Variants in IKBKE observed in about 807,000 individuals in gnomAD.
IKBKE encodes the protein inhibitor of nuclear factor kappa-B kinase subunit epsilon.
In IKBKE, 45 loss-of-function variants were observed where a neutral mutation model predicts 92.1. The ratio of observed to expected loss-of-function variants is 0.49; its 90% CI spans 0.38 to 0.63. The LOEUF (loss-of-function observed/expected upper bound fraction) is 0.63, where lower values mean the gene tolerates loss of function less well. Among genes scored for constraint, IKBKE ranks in the 20% least tolerant of loss-of-function variants. The pLI is 0.00. For missense variants in IKBKE, 700 were observed against 932.8 expected (o/e 0.75, Z 3.25); for synonymous variants, 374 against 380.3 (o/e 0.98, Z 0.19).
intron 13 of IKBKE, among the ~76,000 whole-genome samples, chr1:206,482,197 C>T (rs1226428564): frequency 6.6e-6 from 1 of 152,114 alleles, no homozygotes; most frequent in Non-Finnish European, 1.5e-5. Context: ...GGGAGGCTTA[C>T]TGAAGCCACA....
In IKBKE at chr1:206,485,623, G is replaced by A. The variant is rs918266142; in HGVS notation, c.1616+317G>A. 4.6e-5 allele frequency among the ~76,000 whole-genome samples: 7 copies of A among 152,142 alleles called. No individual in the cohort carries two copies. In the South Asian group the frequency reaches 1.0e-3, roughly 23 times the overall value. ...TCCCTTTCTCTGTGTCAGGCCCTTGGGTAGGTCCTCTCACGTACAGCATCT... is the reference window on the plus strand; with the variant it reads ...TCCCTTTCTCTGTGTCAGGCCCTTGAGTAGGTCCTCTCACGTACAGCATCT... On this transcript the variant is annotated intron_variant, in intron 15 of 21. Transcript: ENST00000581977. This position sits in a 1 kb window ranked among gnomAD's most constrained non-coding sequence, Gnocchi z 5.0.
Position 206,493,979 on chromosome 1 carries a change from G to T in IKBKE, c.2105G>T (p.Arg702Leu). ...GCATCTGACCTCCTGGACAACAACC[G>T]CATCATCGAACGGTAAGGAGCTTTC... Reference protein sequence around the residue: ...LLASDLLDNNRIIERLNRVPA... With the variant: ...LLASDLLDNNLIIERLNRVPA... The change falls in exon 21 of 22, where the codon CGC becomes CTC. Residue 702 changes from arginine (R) to leucine (L), a missense_variant. Physicochemically the swap from Arg to Leu is moderately radical, Grantham distance 102. Transcript: ENST00000581977. 1 of 1,613,774 alleles carries T rather than the reference G, an allele frequency of 6.2e-7. No homozygotes were observed. The highest frequency in any genetic ancestry group is 1.1e-5 in the South Asian group (1 of 91,074).
rs117500474 is a variant in IKBKE at position 206,487,009 on chromosome 1, T to C, written c.1617-905T>C. Among the ~76,000 whole-genome samples, 13 of 152,274 alleles carry C rather than the reference T, an allele frequency of 8.5e-5. No homozygotes were observed. The East Asian group carries it at 2.5e-3, about 29-fold the overall frequency. On this transcript the variant is annotated intron_variant, in intron 15 of 21. Coordinates refer to ENST00000581977, the MANE Select transcript of IKBKE (RefSeq NM_014002.4). This position sits in a 1 kb window ranked among gnomAD's most constrained non-coding sequence, Gnocchi z 5.3. ...TGAAGGCTGTGGATCCCAGGCCTTG[T>C]CTTTTGGATGAAGGCTGTGGATCTG...
At chr1:206,496,062 G>T in intron 21 of IKBKE, 50 bp from the exon 22 acceptor site, 1 of 1,495,376 alleles carries the variant, frequency 6.7e-7, no homozygotes, top group Non-Finnish European at 9.3e-7. Flanking sequence ...AGTGTGGTCT[G>T]CAGGCCTCTC....
Position 206,476,728 on chromosome 1 carries a change from G to A in IKBKE, c.591G>A (p.Ala197=), listed in dbSNP as rs782378543. 7.4e-6 allele frequency: 12 copies of A among 1,614,128 alleles called. No individual in the cohort carries two copies. Among genetic ancestry groups the A allele is most frequent in the African/African-American group, 2.7e-5 (2 of 74,948 alleles). Residue 197 remains alanine (A), a synonymous_variant, in exon 7 of 22, where the codon GCG becomes GCA. Transcript: ENST00000581977. The surrounding 1 kb of genome is among the most constrained non-coding windows in gnomAD (Gnocchi z 5.1). ...RAVLRKPQQK[A]FGVTVDLWSI... ...TGCTTCGAAAGCCCCAGCAAAAAGCGTTCGGGGTGACTGTGGATCTCTGGA... is the reference window on the plus strand; with the variant it reads ...TGCTTCGAAAGCCCCAGCAAAAAGCATTCGGGGTGACTGTGGATCTCTGGA...
intron 21 of IKBKE, among the ~76,000 whole-genome samples, chr1:206,494,847 G>T (rs1388659716): frequency 6.6e-6 from 1 of 151,690 alleles, no homozygotes; most frequent in Non-Finnish European, 1.5e-5. Context: ...CAGATGATCT[G>T]CCTGCCTTGG....
At position 206,480,408 on chromosome 1, in the gene IKBKE, C is replaced by T. The variant is rs781786672; in HGVS notation, c.1341-39C>T. On this transcript the variant is annotated intron_variant, in intron 12 of 21. Coordinates refer to ENST00000581977, the MANE Select transcript of IKBKE (RefSeq NM_014002.4). ...GTCTGCATGCACGGTGCTGAGTCCCCCGATCAAGGCAGCTCTGACTCAGTC... is the reference window on the plus strand; with the variant it reads ...GTCTGCATGCACGGTGCTGAGTCCCTCGATCAAGGCAGCTCTGACTCAGTC... 7.8e-6 allele frequency: 12 copies of T among 1,536,372 alleles called. 1 individual carries two copies. In the South Asian group the frequency reaches 1.3e-4, roughly 17 times the overall value.
Position 206,478,020 on chromosome 1 carries a change from C to G in IKBKE, c.813-140C>G. 1 of 827,588 alleles carries G rather than the reference C, an allele frequency of 1.2e-6. No homozygotes were observed. The highest frequency in any genetic ancestry group is 1.9e-6 in the Non-Finnish European group (1 of 517,264). The allele number at this position is 827,588 out of a possible 1,614,324, so 51.3% of individuals were successfully genotyped here. ...TGGTTGCTGGAACGAGTTCTTCCAGCTCTTCCTCCCCAACCCACCCTGCCC... is the reference window on the plus strand; with the variant it reads ...TGGTTGCTGGAACGAGTTCTTCCAGGTCTTCCTCCCCAACCCACCCTGCCC... On this transcript the variant is annotated intron_variant, in intron 8 of 21. Transcript: ENST00000581977. The surrounding 1 kb of genome is among the most constrained non-coding windows in gnomAD (Gnocchi z 4.8).
chr1:206,485,121 C>T lies in IKBKE; in HGVS notation c.1503+49C>T, dbSNP rs782565948. On this transcript the variant is annotated intron_variant, in intron 14 of 21. Transcript: ENST00000581977. This position sits in a 1 kb window ranked among gnomAD's most constrained non-coding sequence, Gnocchi z 5.0. ...GCTTAGCAGGATCAGAGCTGGGGGC[C>T]CGTGTTCCAGCCAGCCTGCCCACCA... 1.4e-5 allele frequency: 23 copies of T among 1,595,944 alleles called. No individual in the cohort carries two copies. Among genetic ancestry groups the T allele is most frequent in the Non-Finnish European group, 1.9e-5 (22 of 1,163,660 alleles).
rs1665216465 is a variant in IKBKE at position 206,478,923 on chromosome 1, C to T, written c.993-20C>T. The T allele has an allele frequency of 6.2e-7, 1 of 1,612,804 alleles. No individual in the cohort carries two copies. The highest frequency in any genetic ancestry group is 8.5e-7 in the Non-Finnish European group (1 of 1,179,128). On this transcript the variant is annotated intron_variant, in intron 9 of 21. Coordinates refer to ENST00000581977, the MANE Select transcript of IKBKE (RefSeq NM_014002.4). The surrounding 1 kb of genome is among the most constrained non-coding windows in gnomAD (Gnocchi z 4.8). ...TACTGACACCCCCTGCCCTCTGCTCCCCACCACGGCTGTGTCTAGGATAGC... is the reference window on the plus strand; with the variant it reads ...TACTGACACCCCCTGCCCTCTGCTCTCCACCACGGCTGTGTCTAGGATAGC...
Position 206,476,670 on chromosome 1 carries a change from TC to T in IKBKE, c.541-6del. 6.2e-7 allele frequency: 1 copy of T among 1,614,138 alleles called. No homozygotes were observed. Among genetic ancestry groups the T allele is most frequent in the Non-Finnish European group, 8.5e-7 (1 of 1,179,994 alleles). On this transcript the variant is annotated splice_polypyrimidine_tract_variant and splice_region_variant and intron_variant, in intron 6 of 21. Transcript: ENST00000581977. The surrounding 1 kb of genome is among the most constrained non-coding windows in gnomAD (Gnocchi z 5.1). ...GCTCCATGGCCTCATTCTGGTTCTC[TC>T]CGGCAGCATCCCGACATGTATGAGC...
At chr1:206,473,044 T>C (rs1664863291) in intron 2 of IKBKE, 152 bp from the exon 3 acceptor site, 2 of 635,580 alleles carry the variant, frequency 3.1e-6, no homozygotes, top group Non-Finnish European at 5.7e-6. Context: ...TTAACCTTTC[T>C]GTGCTTCACA....
At chr1:206,473,381 C>T in intron 3 of IKBKE, 67 bp downstream of exon 3, 1 of 1,159,048 alleles carries the variant, frequency 8.6e-7, no homozygotes, top group Non-Finnish European at 1.3e-6. Context: ...CAGAAGCTGG[C>T]CCAGTCAGCC....
chr1:206,486,683 C>T (rs1445604253), intron 15 of IKBKE, among the ~76,000 whole-genome samples: 1 of 150,144 alleles, frequency 6.7e-6, no homozygotes, highest in Non-Finnish European at 1.5e-5. Flanking sequence ...TGGATGAAGG[C>T]TGTGGATCTG....
At position 206,485,019 on chromosome 1, in the gene IKBKE, C is replaced by T; in HGVS notation, c.1450C>T (p.Pro484Ser). ...AAGGTTCAGCAGCGTGGCTGGAACG[C>T]CTGAGATCCAGGAACTGAAGGCGGC... ...TERFSSVAGT[P>S]EIQELKAAAE... The change falls in exon 14 of 22, where the codon CCT becomes TCT. Residue 484 changes from proline (P) to serine (S), a missense_variant. Coordinates refer to ENST00000581977, the MANE Select transcript of IKBKE (RefSeq NM_014002.4). This position sits in a 1 kb window ranked among gnomAD's most constrained non-coding sequence, Gnocchi z 5.0. 2 of 1,614,144 alleles carry T rather than the reference C, an allele frequency of 1.2e-6. No homozygotes were observed. Among genetic ancestry groups the T allele is most frequent in the South Asian group, 2.2e-5 (2 of 91,072 alleles).
At chr1:206,492,971 G>T in intron 18 of IKBKE, 52 bp from the exon 19 acceptor site, 1 of 1,481,182 alleles carries the variant, frequency 6.8e-7, no homozygotes, top group Non-Finnish European at 9.2e-7. Context: ...GCGAGCCCTG[G>T]GGAATGGGCT....
At chr1:206,492,522 T>C (rs1346853832) in intron 18 of IKBKE, 1 of 471,408 alleles carries the variant, frequency 2.1e-6, no homozygotes, top group Non-Finnish European at 4.4e-6. Flanking sequence ...GTCAGTGTAG[T>C]ACAGCTTCTC....
At chr1:206,491,477 C>G (rs1322784069) in intron 17 of IKBKE, 171 bp from the exon 18 acceptor site, 6 of 534,068 alleles carry the variant, frequency 1.1e-5, no homozygotes, top group Non-Finnish European at 2.1e-5. Context: ...CTTCACAATC[C>G]AAGTGTGTGA....
intron 18 of IKBKE, 106 bp from the exon 19 acceptor site, chr1:206,492,917 C>T (rs781913002): frequency 1.2e-5 from 12 of 975,174 alleles, no homozygotes; most frequent in African/African-American, 6.5e-5. Context: ...GAGGCAAATA[C>T]CCGGGACCCA....
Sources: gnomAD v4.1 joint callset for allele counts (sites outside exome capture counted in the v4.1 genomes callset) on GRCh38, gnomAD v4.1.1 for gene constraint, Gnocchi (gnomAD v3.1) non-coding constraint, MANE v1.5 for transcripts, NCBI Gene and HGNC (gene_info 2026-07-23, HGNC 2026-07-21) for gene names.